The following ARFGAP3 variants were observed in gnomAD, a reference collection of about 807,000 sequenced individuals.
ARFGAP3 encodes ADP-ribosylation factor GTPase-activating protein 3.
A neutral mutation model predicts 75.0 loss-of-function variants in ARFGAP3; 72 were observed. The ratio of observed to expected loss-of-function variants is 0.96; its 90% CI spans 0.79 to 1.17. The LOEUF is 1.17. Among genes scored for constraint, ARFGAP3 ranks in the 50% most tolerant of loss-of-function variants. ARFGAP3 has a pLI of 0.00. For missense variants in ARFGAP3, 620 were observed against 626.6 expected (o/e 0.99, Z 0.11); for synonymous variants, 221 against 217.9 (o/e 1.01, Z -0.13).
At chr22:42,807,901 T>TACC (rs774655740) in intron 13 of ARFGAP3, among the ~76,000 whole-genome samples, 1 of 151,084 alleles carries the variant, frequency 6.6e-6, no homozygotes, top group Non-Finnish European at 1.5e-5. Context: ...CGTACCACCA[T>TACC]ACCGAGCTAA....
rs1343107342 is a variant in ARFGAP3 at position 42,823,658 on chromosome 22, C to T, written c.670G>A (p.Gly224Ser). Residue 224 changes from glycine to serine, a missense_variant and splice_region_variant, in exon 8 of 16, where the codon GGC becomes AGC. Transcript: ENST00000263245. ...TATATAAAGTACATAATACTCACGC[C>T]TTTTTTAGCTTGATTTGGTTTCTTT... ...IKKKPNQAKK[G>S]LGAKKGSLGA... The T allele has an allele frequency of 5.7e-6, 9 of 1,567,368 alleles. No individual in the cohort carries two copies. The highest frequency in any genetic ancestry group is 7.8e-6 in the Non-Finnish European group (9 of 1,153,794).
intron 5 of ARFGAP3, among the ~76,000 whole-genome samples, chr22:42,832,135 C>G (rs1421203176): frequency 6.9e-6 from 1 of 144,744 alleles, no homozygotes; most frequent in East Asian, 2.0e-4. Flanking sequence ...TGTGACAATG[C>G]TAATAAGTAT....
At chr22:42,811,727 T>C (rs1236139804) in intron 11 of ARFGAP3, among the ~76,000 whole-genome samples, 2 of 152,180 alleles carry the variant, frequency 1.3e-5, no homozygotes, top group Admixed American at 1.3e-4. Context: ...AATTAGCCAA[T>C]TGTCACTGAG....
rs994782170 is a variant in ARFGAP3, at chr22:42,840,999, G to T, written c.206C>A (p.Ser69Tyr). ...LSFIRSTELD[S>Y]NWSWFQLRCM... ...TCGCAACTGAAACCATGACCAGTTGGAATCCAACTCTGTAGATCTAAATGG... is the reference window on the plus strand; with the variant it reads ...TCGCAACTGAAACCATGACCAGTTGTAATCCAACTCTGTAGATCTAAATGG... The change falls in exon 3 of 16, where the codon TCC (serine) becomes TAC (tyrosine). Residue 69 changes from serine to tyrosine, a missense_variant. Physicochemically the swap from Ser to Tyr is moderately radical, Grantham distance 144. Transcript: ENST00000263245. 1 of 1,613,978 alleles carries T rather than the reference G, an allele frequency of 6.2e-7. No homozygotes were observed. The highest frequency in any genetic ancestry group is 8.5e-7 in the Non-Finnish European group (1 of 1,179,994).
intron 14 of ARFGAP3, among the ~76,000 whole-genome samples, chr22:42,802,599 A>C (rs1924920959): frequency 6.8e-6 from 1 of 147,502 alleles, no homozygotes; most frequent in Non-Finnish European, 1.5e-5. Flanking sequence ...GGCCCAAAAT[A>C]AGAATTTTTT....
Position 42,799,139 on chromosome 22 carries a change from A to G in ARFGAP3, c.1433T>C (p.Val478Ala), listed in dbSNP as rs758716350. ...QPAGNYSLSS[V>A]LPNAPDMAQF... ...CGCCATGTCGGGGGCGTTGGGCAGC[A>G]CACTGGACAGGCTGTAGTTCCCTGC... is the stretch of plus-strand genomic sequence containing the variant. Residue 478 changes from valine to alanine, a missense_variant, in exon 15 of 16, where the codon GTG becomes GCG. Physicochemically the swap from Val to Ala is moderately conservative, Grantham distance 64 (BLOSUM62 0). Coordinates refer to ENST00000263245, the MANE Select transcript of ARFGAP3 (RefSeq NM_014570.5). 2 of 1,614,032 alleles carry G rather than the reference A, an allele frequency of 1.2e-6. No homozygotes were observed. The highest frequency in any genetic ancestry group is 1.3e-5 in the African/African-American group (1 of 74,906).
At position 42,857,258 on chromosome 22, in the gene ARFGAP3, G is replaced by A. The variant is rs569678139; in HGVS notation, c.-76C>T. The stretch of plus-strand genomic sequence containing the variant: ...ACGAAAAGCGGCTACCGCCTCAGCA[G>A]GAGCGACGAGGCCGCGGGGGCGGGG... On this transcript the variant is annotated 5_prime_UTR_variant, in exon 1 of 16. Coordinates refer to ENST00000263245, the MANE Select transcript of ARFGAP3 (RefSeq NM_014570.5). 197 of 1,473,398 alleles carry A rather than the reference G, an allele frequency of 1.3e-4. 1 individual carries two copies. In the East Asian group the frequency reaches 5.8e-3, roughly 43 times the overall value. The allele number at this position is 1,473,398 out of a possible 1,614,324, so 91.3% of individuals were successfully genotyped here.
At chr22:42,842,326 T>A (rs1340698748) in intron 2 of ARFGAP3, among the ~76,000 whole-genome samples, 4 of 117,366 alleles carry the variant, frequency 3.4e-5, no homozygotes, top group Admixed American at 1.9e-4. Context: ...TTTTTTTTTT[T>A]AAATAGAGAT....
intron 1 of ARFGAP3, among the ~76,000 whole-genome samples, chr22:42,849,391 C>T (rs527331198): frequency 4.6e-5 from 7 of 152,298 alleles, no homozygotes; most frequent in South Asian, 2.1e-4. Context: ...GGTTCATAAC[C>T]GAGGACTACG....
intron 9 of ARFGAP3, 117 bp downstream of exon 9, chr22:42,822,153 T>G (rs1179850353): frequency 1.2e-6 from 1 of 829,338 alleles, no homozygotes; most frequent in African/African-American, 1.7e-5. Context: ...TAAAACTGAA[T>G]TTTGCAGTAC....
At chr22:42,808,500 A>G (rs1602094942) in intron 13 of ARFGAP3, among the ~76,000 whole-genome samples, 2 of 152,352 alleles carry the variant, frequency 1.3e-5, no homozygotes, top group East Asian at 3.9e-4. Flanking sequence ...TTCAAAAGAT[A>G]CTGGATAATG....
chr22:42,839,754 C>G (rs534726832), intron 3 of ARFGAP3, among the ~76,000 whole-genome samples: 8 of 152,098 alleles, frequency 5.3e-5, no homozygotes, highest in African/African-American at 1.7e-4. Context: ...ACCCTCACTT[C>G]CTGTTTTAAT....
intron 2 of ARFGAP3, 61 bp downstream of exon 2, chr22:42,847,453 G>GA (rs770747772): frequency 2.9e-5 from 42 of 1,453,462 alleles, no homozygotes; most frequent in Non-Finnish European, 3.9e-5. Context: ...AGAAAAAAGG[G>GA]AAAAAAACAC....
chr22:42,806,520 C>T (rs1362142218), intron 14 of ARFGAP3, among the ~76,000 whole-genome samples: 1 of 152,246 alleles, frequency 6.6e-6, no homozygotes, highest in Admixed American at 6.5e-5. Flanking sequence ...TTCTGTCTTC[C>T]CCAGAAGACA....
At chr22:42,813,996 T>C (rs1361938251) in intron 11 of ARFGAP3, among the ~76,000 whole-genome samples, 1 of 152,232 alleles carries the variant, frequency 6.6e-6, no homozygotes, top group African/African-American at 2.4e-5. Flanking sequence ...AGCACCCTAA[T>C]ATCACATTTG....
chr22:42,842,583 G>A (rs1348111011), intron 2 of ARFGAP3, among the ~76,000 whole-genome samples: 2 of 151,720 alleles, frequency 1.3e-5, no homozygotes, highest in Admixed American at 6.6e-5. Flanking sequence ...GAGGTAGCTG[G>A]GATTAGAGGC....
chr22:42,807,665 T>C (rs1464740163), intron 13 of ARFGAP3, among the ~76,000 whole-genome samples: 1 of 152,120 alleles, frequency 6.6e-6, no homozygotes, highest in East Asian at 1.9e-4. Flanking sequence ...TCAGCACATT[T>C]TAGGAAACCA....
intron 2 of ARFGAP3, among the ~76,000 whole-genome samples, chr22:42,846,261 G>T (rs75024124): frequency 0.035 from 5,268 of 152,352 alleles, 117 homozygotes; most frequent in Non-Finnish European, 0.052. Context: ...AGGCAGCAAT[G>T]ACTAAGCCAT....
chr22:42,806,382 ACAGGCCGCCCCATCCT>A (rs2146529357), intron 14 of ARFGAP3, among the ~76,000 whole-genome samples: 1 of 152,352 alleles, frequency 6.6e-6, no homozygotes, highest in Non-Finnish European at 1.5e-5. Flanking sequence ...CACTGGGCTC[ACAGGCCGCCCCATCCT>A]AGGCCATCCC....
Sources: gnomAD v4.1 joint callset for allele counts (sites outside exome capture counted in the v4.1 genomes callset) on GRCh38, gnomAD v4.1.1 for gene constraint, MANE v1.5 for transcripts, NCBI Gene and HGNC (gene_info 2026-07-23, HGNC 2026-07-21) for gene names.